The following DNAH5 variants were observed in gnomAD, a reference collection of about 807,000 sequenced individuals.
DNAH5 encodes dynein axonemal heavy chain 5, also known as axonemal beta dynein heavy chain 5.
DNAH5 carries 372 observed loss-of-function variants against 518.2 expected under a neutral mutation model. The ratio of observed to expected loss-of-function variants is 0.72; its 90% confidence interval spans 0.66 to 0.78. The LOEUF is 0.78. Ranked by LOEUF, DNAH5 falls within the 30% of genes least tolerant of loss-of-function variation. DNAH5 has a pLI of 0.00. For missense variants in DNAH5, 5,523 were observed against 5,687.0 expected, an observed-to-expected ratio of 0.97 and a Z score of 0.93; for synonymous variants, 2,039 against 2,025.9, an observed-to-expected ratio of 1.01 and a Z score of -0.17.
chr5:13,892,909 T>C (rs1197549795), intron 16 of DNAH5, among the ~76,000 whole-genome samples: 1 of 152,170 alleles, frequency 6.6e-6, no homozygotes, highest in Non-Finnish European at 1.5e-5. Flanking sequence ...TTAAAAGCCA[T>C]TTAGCATCTC....
chr5:13,844,497 G>A (rs1765694496), intron 32 of DNAH5, among the ~76,000 whole-genome samples: 1 of 152,098 alleles, frequency 6.6e-6, no homozygotes, highest in Non-Finnish European at 1.5e-5. Flanking sequence ...CATCATGAGG[G>A]CAATTCCGTT....
rs1274074872 is a variant in DNAH5 at position 13,866,387 on chromosome 5, G to T, written c.4054-105C>A. ...TAAAGTTAGGTTTCATGCATGATAGGAAACTTCATTTTTATTTGTTAGAAA... is the reference window on the plus strand; with the variant it reads ...TAAAGTTAGGTTTCATGCATGATAGTAAACTTCATTTTTATTTGTTAGAAA... On this transcript the variant is annotated intron_variant, in intron 25 of 78. Coordinates refer to ENST00000265104, the MANE Select transcript of DNAH5 (RefSeq NM_001369.3). The T allele has an allele frequency of 1.0e-5, 9 of 892,562 alleles. No homozygotes were observed. The South Asian group carries it at 1.5e-4, about 15-fold the overall frequency. 55.3% of individuals were successfully genotyped at this position (892,562 alleles called of 1,614,324 possible). A position where few individuals can be genotyped will look rare whatever the true frequency, so the allele number is the denominator to read the frequency against.
At chr5:13,990,913 T>C (rs1329401437) in intron 1 of DNAH5, among the ~76,000 whole-genome samples, 1 of 152,082 alleles carries the variant, frequency 6.6e-6, no homozygotes, top group Non-Finnish European at 1.5e-5. Flanking sequence ...AAAGATAACA[T>C]TGAAATATTT....
At chr5:13,872,409 T>C (rs905528079) in intron 22 of DNAH5, among the ~76,000 whole-genome samples, 2 of 152,172 alleles carry the variant, frequency 1.3e-5, no homozygotes, top group African/African-American at 2.4e-5. Flanking sequence ...ATAGTGCATG[T>C]TTCCATATCT....
rs566270792 is a variant in DNAH5, at chr5:13,892,655, T to A, written c.2432-1534A>T. Among the ~76,000 whole-genome samples, 164 of 152,324 alleles carry A rather than the reference T, an allele frequency of 1.1e-3. 1 individual carries two copies. Among genetic ancestry groups the A allele is most frequent in the African/African-American group, 3.7e-3 (154 of 41,598 alleles). ...CAATCTAATAAAACATCCAAATTGTTAATACTTTAATACTAGTGTTCTAAA... is the reference window on the plus strand; with the variant it reads ...CAATCTAATAAAACATCCAAATTGTAAATACTTTAATACTAGTGTTCTAAA... On this transcript the variant is annotated intron_variant, in intron 16 of 78. Transcript: ENST00000265104.
intron 70 of DNAH5, among the ~76,000 whole-genome samples, chr5:13,727,104 T>G (rs540912668): frequency 6.6e-6 from 1 of 152,192 alleles, no homozygotes; most frequent in Non-Finnish European, 1.5e-5. Flanking sequence ...CCCCACTCTA[T>G]TCACCCTAAT....
rs767375182 is a variant in DNAH5 at position 13,717,480 on chromosome 5, C to A, written c.12540G>T (p.Gln4180His). The change falls in exon 73 of 79, where the codon CAG becomes CAT. Residue 4180 changes from glutamine (Q) to histidine (H), a missense_variant. By Grantham distance (24) the Gln-to-His change is conservative. Transcript: ENST00000265104. The part of the protein sequence containing the change: ...QDLLDVSSGS[Q>H]WKPMLYAVAF... ...CCACTGCGTACAGCATGGGCTTCCA[C>A]TGGGACCCAGAGCTCACGTCCAGCA... The A allele has an allele frequency of 2.5e-6, 4 of 1,614,186 alleles. No individual in the cohort carries two copies. Among genetic ancestry groups the A allele is most frequent in the Non-Finnish European group, 3.4e-6 (4 of 1,180,020 alleles).
Position 13,901,395 on chromosome 5 carries a change from T to A in DNAH5, c.1909A>T (p.Ile637Phe), listed in dbSNP as rs926184968. The A allele has an allele frequency of 1.9e-6, 3 of 1,614,146 alleles. No homozygotes were observed. The highest frequency in any genetic ancestry group is 2.5e-6 in the Non-Finnish European group (3 of 1,180,022). Reference sequence around the variant, plus strand: ...TGGAAAAGCTGCATGGGCTGCTGAATCCTATGGAAGAGCTGGCGGGCCCAC... The same window carrying A: ...TGGAAAAGCTGCATGGGCTGCTGAAACCTATGGAAGAGCTGGCGGGCCCAC... ...ILWARQLFHR[I>F]QQPMQLFQQH... Residue 637 changes from isoleucine (I) to phenylalanine (F), a missense_variant, in exon 14 of 79, where the codon ATT (isoleucine) becomes TTT (phenylalanine). Ile to Phe is a conservative substitution (Grantham distance 21). Coordinates refer to ENST00000265104, the MANE Select transcript of DNAH5 (RefSeq NM_001369.3).
chr5:13,731,333 T>C (rs776848584), intron 68 of DNAH5, among the ~76,000 whole-genome samples: 1 of 152,192 alleles, frequency 6.6e-6, no homozygotes, highest in Non-Finnish European at 1.5e-5. Flanking sequence ...AACTGTCCAT[T>C]TTCCAACAAA....
Position 13,810,272 on chromosome 5 carries a change from A to C in DNAH5, c.7408-12T>G. 6.5e-7 allele frequency: 1 copy of C among 1,549,556 alleles called. No individual in the cohort carries two copies. Among genetic ancestry groups the C allele is most frequent in the Non-Finnish European group, 8.7e-7 (1 of 1,146,236 alleles). ...TCCCCGCCTTGCTCCTGAGAAGGAA[A>C]GACACTTTTTTTTAATAACTTGATT... On this transcript the variant is annotated splice_polypyrimidine_tract_variant and intron_variant, in intron 44 of 78. Coordinates refer to ENST00000265104, the MANE Select transcript of DNAH5 (RefSeq NM_001369.3).
chr5:13,745,269 T>C (rs1749170832), intron 65 of DNAH5, among the ~76,000 whole-genome samples: 1 of 152,086 alleles, frequency 6.6e-6, no homozygotes, highest in African/African-American at 2.4e-5. Flanking sequence ...ATGTTCAAAA[T>C]GGTCTAGATA....
intron 1 of DNAH5, among the ~76,000 whole-genome samples, chr5:13,975,321 A>G (rs111832692): frequency 0.064 from 9,725 of 152,184 alleles, 514 homozygotes; most frequent in African/African-American, 0.14. Flanking sequence ...CCATGATTCA[A>G]TTATCTCCCA....
intron 62 of DNAH5, 60 bp from the exon 63 acceptor site, chr5:13,753,609 A>T: frequency 7.1e-7 from 1 of 1,413,138 alleles, no homozygotes; most frequent in Non-Finnish European, 9.7e-7. Flanking sequence ...ATTGTACAGC[A>T]TATTAAAAAT....
intron 42 of DNAH5, among the ~76,000 whole-genome samples, chr5:13,816,164 G>A (rs1761420246): frequency 6.6e-6 from 1 of 152,122 alleles, no homozygotes; most frequent in African/African-American, 2.4e-5. Context: ...GGAGGTCAGG[G>A]GTGTCCTTGA....
intron 38 of DNAH5, among the ~76,000 whole-genome samples, chr5:13,825,737 G>C (rs1206315114): frequency 1.7e-4 from 26 of 152,086 alleles, no homozygotes; most frequent in Non-Finnish European, 2.9e-5. Flanking sequence ...TTGTTTAGTG[G>C]GCACAGAGTT....
chr5:13,735,965 CGA>C, intron 66 of DNAH5, 33 bp from the exon 67 acceptor site: 1 of 1,524,960 alleles, frequency 6.6e-7, no homozygotes, highest in Non-Finnish European at 9.1e-7. Flanking sequence ...GCATGTGCTA[CGA>C]GAGAGGAAAA....
At chr5:13,994,164 C>G (rs1246666712) in intron 1 of DNAH5, among the ~76,000 whole-genome samples, 1 of 152,194 alleles carries the variant, frequency 6.6e-6, no homozygotes, top group Non-Finnish European at 1.5e-5. Context: ...CTCTGCCTCT[C>G]AGCCACCCAC....
intron 47 of DNAH5, among the ~76,000 whole-genome samples, chr5:13,797,021 C>T (rs1429707585): frequency 6.6e-6 from 1 of 152,092 alleles, no homozygotes; most frequent in East Asian, 1.9e-4. Flanking sequence ...AAACTGGATC[C>T]CTTCCTTACA....
At chr5:13,732,688 A>C (rs1306541243) in intron 68 of DNAH5, among the ~76,000 whole-genome samples, 1 of 152,134 alleles carries the variant, frequency 6.6e-6, no homozygotes, top group Non-Finnish European at 1.5e-5. Flanking sequence ...TTATAAGGGC[A>C]TCAATCCCTT....
Sources: gnomAD v4.1 joint callset for allele counts (sites outside exome capture counted in the v4.1 genomes callset) on GRCh38, gnomAD v4.1.1 for gene constraint, MANE v1.5 for transcripts, NCBI Gene and HGNC (gene_info 2026-07-23, HGNC 2026-07-21) for gene names.